Variants in RBMS3 observed in about 807,000 individuals in gnomAD.
The protein encoded by RBMS3 is RNA binding motif single stranded interacting protein 3, also known as RNA-binding motif, single-stranded-interacting protein 3.
A neutral mutation model predicts 66.8 loss-of-function variants in RBMS3; 27 were observed. That is an observed-to-expected ratio of 0.40 (90% CI 0.30 to 0.56). The LOEUF (loss-of-function observed/expected upper bound fraction) is 0.56, where lower values mean the gene tolerates loss of function less well. Among genes scored for constraint, RBMS3 ranks in the 20% least tolerant of loss-of-function variants. The pLI is 0.40. For missense variants in RBMS3, 513 were observed against 549.5 expected, an observed-to-expected ratio of 0.93 and a Z score of 0.66; for synonymous variants, 188 against 183.0, an observed-to-expected ratio of 1.03 and a Z score of -0.22.
chr3:29,665,376 AT>A (rs1479714742), intron 4 of RBMS3, among the ~76,000 whole-genome samples: 2 of 152,194 alleles, frequency 1.3e-5, no homozygotes, highest in Admixed American at 6.5e-5. Flanking sequence ...TAGTTTGAAA[AT>A]AAAATAGTTT....
chr3:29,565,861 C>T (rs1395582597), intron 3 of RBMS3, among the ~76,000 whole-genome samples: 2 of 151,994 alleles, frequency 1.3e-5, no homozygotes, highest in African/African-American at 4.8e-5. Flanking sequence ...CCAAAGAGCA[C>T]AAAAATACAG....
chr3:29,801,532 T>C (rs1374273244), intron 6 of RBMS3, among the ~76,000 whole-genome samples: 1 of 138,530 alleles, frequency 7.2e-6, no homozygotes, highest in Non-Finnish European at 1.6e-5. Flanking sequence ...CCTCCCAAAG[T>C]GCTGGGATTA....
intron 7 of RBMS3, among the ~76,000 whole-genome samples, chr3:29,881,297 A>G (rs2059731651): frequency 2.0e-5 from 3 of 152,022 alleles, no homozygotes; most frequent in Admixed American, 2.0e-4. Context: ...CACCCCATCC[A>G]TACCACTCAT....
chr3:29,558,727 G>T (rs1384355566), intron 3 of RBMS3, among the ~76,000 whole-genome samples: 2 of 152,068 alleles, frequency 1.3e-5, no homozygotes, highest in African/African-American at 2.4e-5. Flanking sequence ...TTTATGTAAA[G>T]GTATAAGCAT....
intron 1 of RBMS3, among the ~76,000 whole-genome samples, chr3:29,432,841 G>A (rs1020518284): frequency 3.3e-5 from 5 of 152,144 alleles, no homozygotes; most frequent in African/African-American, 9.7e-5. Context: ...GTGAAAAGTT[G>A]GGAGTACCAC....
intron 12 of RBMS3, among the ~76,000 whole-genome samples, chr3:29,978,961 A>T (rs1333825676): frequency 6.6e-6 from 1 of 151,944 alleles, no homozygotes; most frequent in African/African-American, 2.4e-5. Context: ...CCCTGTCTCT[A>T]CAAAAATAAA....
intron 6 of RBMS3, 138 bp from the exon 7 acceptor site, chr3:29,868,720 A>T: frequency 1.3e-6 from 1 of 746,062 alleles, no homozygotes; most frequent in South Asian, 1.9e-5. Context: ...AGCTGAGACT[A>T]AAAGGGGGCC....
intron 4 of RBMS3, among the ~76,000 whole-genome samples, chr3:29,597,338 T>C (rs988334344): frequency 6.6e-6 from 1 of 152,196 alleles, no homozygotes; most frequent in African/African-American, 2.4e-5. Flanking sequence ...ACTTGAATGA[T>C]AGGCCTCTGT....
chr3:29,422,497 G>C (rs1223361315), intron 1 of RBMS3, among the ~76,000 whole-genome samples: 1 of 151,728 alleles, frequency 6.6e-6, no homozygotes, highest in Non-Finnish European at 1.5e-5. Flanking sequence ...TCTAAGGTTT[G>C]AGGTGCATTG....
At chr3:29,362,598 C>T (rs146168575) in intron 1 of RBMS3, among the ~76,000 whole-genome samples, 1,597 of 152,130 alleles carry the variant, frequency 0.01, 39 homozygotes, top group African/African-American at 0.037. Context: ...TGGAAATCAC[C>T]CATCTTCTGC....
chr3:29,711,259 GT>G (rs1437392145), intron 4 of RBMS3, among the ~76,000 whole-genome samples: 1 of 152,150 alleles, frequency 6.6e-6, no homozygotes, highest in African/African-American at 2.4e-5. Flanking sequence ...AACTGAAACT[GT>G]GCAAAGTGAA....
chr3:29,731,473 G>T (rs1007993851), intron 4 of RBMS3, among the ~76,000 whole-genome samples: 1 of 152,108 alleles, frequency 6.6e-6, no homozygotes, highest in Admixed American at 6.5e-5. Flanking sequence ...AAAATATAGA[G>T]GCACCTTCAC....
At chr3:29,366,903 A>G (rs918020276) in intron 1 of RBMS3, among the ~76,000 whole-genome samples, 2 of 152,208 alleles carry the variant, frequency 1.3e-5, no homozygotes, top group Non-Finnish European at 2.9e-5. Flanking sequence ...AGTCTCTAAT[A>G]GAAAAGCATT....
intron 8 of RBMS3, among the ~76,000 whole-genome samples, chr3:29,884,427 T>C (rs565028356): frequency 1.7e-4 from 12 of 70,866 alleles, no homozygotes; most frequent in African/African-American, 6.0e-4. Context: ...CCCTGTTCTC[T>C]CTCTCTCTCT....
chr3:29,853,477 A>G (rs1338865916), intron 6 of RBMS3, among the ~76,000 whole-genome samples: 1 of 134,436 alleles, frequency 7.4e-6, no homozygotes, highest in Non-Finnish European at 1.5e-5. Flanking sequence ...GTGAAAACAG[A>G]GCTCCCATAC....
At chr3:29,729,418 T>C (rs1480232777) in intron 4 of RBMS3, among the ~76,000 whole-genome samples, 1 of 152,148 alleles carries the variant, frequency 6.6e-6, no homozygotes, top group Non-Finnish European at 1.5e-5. Context: ...TCCAAGTCTT[T>C]GCTATTGTGA....
chr3:29,419,165 T>C (rs1375507365), intron 1 of RBMS3, among the ~76,000 whole-genome samples: 1 of 152,106 alleles, frequency 6.6e-6, no homozygotes, highest in African/African-American at 2.4e-5. Flanking sequence ...TTAATACAGG[T>C]AAGTATAGAC....
chr3:29,960,084 C>T (rs541878708), intron 12 of RBMS3, among the ~76,000 whole-genome samples: 77 of 152,154 alleles, frequency 5.1e-4, no homozygotes, highest in Non-Finnish European at 7.5e-4. Flanking sequence ...TCCAAAGTCT[C>T]ATCAGAGACA....
At chr3:29,869,331 T>A (rs1288371385) in intron 7 of RBMS3, among the ~76,000 whole-genome samples, 1 of 152,148 alleles carries the variant, frequency 6.6e-6, no homozygotes, top group African/African-American at 2.4e-5. Context: ...GAAAGTTGAA[T>A]GTTTGTGTTT....
Sources: allele counts gnomAD v4.1 joint callset (sites outside exome capture counted in the v4.1 genomes callset), GRCh38; gene constraint gnomAD v4.1.1; transcripts MANE v1.5; gene names NCBI Gene and HGNC (gene_info 2026-07-23, HGNC 2026-07-21).